XG: variants seen among roughly 807,000 people sequenced by gnomAD.
XG encodes glycoprotein Xg.
A neutral mutation model predicts 25.7 loss-of-function variants in XG; 24 were observed. The observed-to-expected ratio is 0.93, with a 90% CI of 0.68 to 1.31. The LOEUF (loss-of-function observed/expected upper bound fraction) is 1.31. Among genes scored for constraint, XG ranks in the 40% most tolerant of loss-of-function variants. The pLI is 0.00. For missense variants in XG, 181 were observed against 187.6 expected, an observed-to-expected ratio of 0.96 and a Z score of 0.21; for synonymous variants, 77 against 69.2, an observed-to-expected ratio of 1.11 and a Z score of -0.56.
intron 2 of XG, among the ~76,000 whole-genome samples, chrX:2,772,969 C>G (rs943968407): frequency 1.2e-4 from 18 of 149,770 alleles, no homozygotes; most frequent in Non-Finnish European, 2.5e-4. Context: ...TTTTCACTGT[C>G]TATACTGCCT....
At chrX:2,767,521 C>A (rs2050726335) in intron 1 of XG, among the ~76,000 whole-genome samples, 1 of 152,174 alleles carries the variant, frequency 6.6e-6, no homozygotes, top group Admixed American at 6.5e-5. Flanking sequence ...AGAAATAGAT[C>A]TCCTGTTCCT....
intron 1 of XG, among the ~76,000 whole-genome samples, chrX:2,760,373 A>G (rs1448527107): frequency 1.3e-5 from 2 of 151,808 alleles, no homozygotes; most frequent in African/African-American, 2.4e-5. Context: ...ACCCTCCTCA[A>G]TTTTACAAAT....
chrX:2,757,649 G>A (rs2050463172), intron 1 of XG, among the ~76,000 whole-genome samples: 1 of 151,816 alleles, frequency 6.6e-6, no homozygotes, highest in Non-Finnish European at 1.5e-5. Context: ...GTCACAGGCT[G>A]TTTAGTTTAC....
At chrX:2,775,966 A>G (rs1344399380) in intron 3 of XG, among the ~76,000 whole-genome samples, 1 of 126,150 alleles carries the variant, frequency 7.9e-6, no homozygotes, top group Non-Finnish European at 1.7e-5. Context: ...AAAAAAAAAA[A>G]AAAAAAGAAA....
At chrX:2,776,920 G>A (rs2051011621) in intron 3 of XG, among the ~76,000 whole-genome samples, 1 of 152,180 alleles carries the variant, frequency 6.6e-6, no homozygotes, top group Admixed American at 6.5e-5. Context: ...GAGATGTCAG[G>A]AAGTCAATGG....
At position 2,752,310 on chromosome X, in the gene XG, C is replaced by A; in HGVS notation, c.36C>A (p.Phe12Leu). 6.2e-7 allele frequency: 1 copy of A among 1,613,656 alleles called. No individual in the cohort carries two copies. The highest frequency in any genetic ancestry group is 8.5e-7 in the Non-Finnish European group (1 of 1,179,840). ...ESWWGLPCLA[F>L]LCFLMHARGQ... ...GGTGGGGACTTCCCTGTCTTGCGTTCCTGTGTTTTCTAATGCACGCCCGAG... is the reference window on the plus strand; with the variant it reads ...GGTGGGGACTTCCCTGTCTTGCGTTACTGTGTTTTCTAATGCACGCCCGAG... Residue 12 changes from phenylalanine to leucine, a missense_variant, in exon 1 of 11, where the codon TTC becomes TTA. Phe to Leu is a conservative substitution (Grantham distance 22). Transcript: ENST00000644266.
intron 4 of XG, among the ~76,000 whole-genome samples, chrX:2,783,931 T>C (rs149090951): frequency 0.015 from 1,636 of 112,126 alleles, 28 homozygotes; most frequent in African/African-American, 0.05. Context: ...GCCAAGATTG[T>C]GCCACTGCAC....
chrX:2,796,468 ATGTG>A (rs200727930), intron 6 of XG, among the ~76,000 whole-genome samples: 11 of 95,988 alleles, frequency 1.1e-4, no homozygotes, highest in African/African-American at 4.5e-4. Flanking sequence ...ATTTAGGTAT[ATGTG>A]TGTGTGTGTG....
In XG at chrX:2,760,034, C is replaced by T. The variant is rs188271550; in HGVS notation, c.61+7699C>T. Reference sequence around the variant, plus strand: ...GGCATGGAGGCGTGTGCCTGTAATCCCAGCTACTCGGGAGGCTGAGGTGAG... The same window carrying T: ...GGCATGGAGGCGTGTGCCTGTAATCTCAGCTACTCGGGAGGCTGAGGTGAG... On this transcript the variant is annotated intron_variant, in intron 1 of 10. Transcript: ENST00000644266. Among the ~76,000 whole-genome samples the T allele has an allele frequency of 2.5e-4, 38 of 152,216 alleles. 1 individual carries two copies. In the East Asian group the frequency reaches 4.1e-3, roughly 16 times the overall value.
At chrX:2,782,505 G>A (rs1207993190) in intron 4 of XG, among the ~76,000 whole-genome samples, 1 of 111,530 alleles carries the variant, frequency 9.0e-6, no homozygotes, top group African/African-American at 3.3e-5. Flanking sequence ...TGGAACATCT[G>A]GGGATCAGGG....
At chrX:2,776,323 G>A (rs1377021416) in intron 3 of XG, among the ~76,000 whole-genome samples, 1 of 152,178 alleles carries the variant, frequency 6.6e-6, no homozygotes, top group African/African-American at 2.4e-5. Context: ...AAGGATAAAT[G>A]GTTGCAGGAA....
chrX:2,792,836 C>T (rs1455039056), intron 5 of XG, among the ~76,000 whole-genome samples: 39 of 111,104 alleles, frequency 3.5e-4, no homozygotes, highest in African/African-American at 1.2e-3. Flanking sequence ...CCGGCAGTCC[C>T]AAAGCTCTGG....
At chrX:2,781,210 C>G (rs769626468) in intron 3 of XG, among the ~76,000 whole-genome samples, 1 of 150,974 alleles carries the variant, frequency 6.6e-6, no homozygotes, top group African/African-American at 2.4e-5. Context: ...TTTCCCGGGC[C>G]TTAAAGCATG....
At position 2,778,994 on chromosome X, in the gene XG, C is replaced by A. The variant is rs761893350; in HGVS notation, c.128-3072C>A. On this transcript the variant is annotated intron_variant, in intron 3 of 10. Coordinates refer to ENST00000644266, the MANE Select transcript of XG (RefSeq NM_001141919.2). ...GGCCAGGCTGGTCTCGAACTCCTGA[C>A]CTCAGGTGATCTGTCCACCTCGGTG... Among the ~76,000 whole-genome samples the A allele has an allele frequency of 2.0e-5, 3 of 152,132 alleles. No homozygotes were observed. In the East Asian group the frequency reaches 5.8e-4, roughly 29 times the overall value.
intron 1 of XG, among the ~76,000 whole-genome samples, chrX:2,769,205 C>T (rs2124444638): frequency 6.6e-6 from 1 of 152,354 alleles, no homozygotes; most frequent in East Asian, 1.9e-4. Context: ...GCCCTTGAAC[C>T]TTCCCCCAGA....
In XG at chrX:2,808,239, C is replaced by T. The variant is rs771076619; in HGVS notation, c.454+19C>T. 3.5e-5 allele frequency: 42 copies of T among 1,207,463 alleles called. No individual in the cohort carries two copies. Among genetic ancestry groups the T allele is most frequent in the Admixed American group, 4.4e-5 (2 of 45,648 alleles). ...CCAGAAGGTAACTGATTGACTCACC[C>T]GGTCCCAACCTTTAATAAGAGCACA... is the stretch of plus-strand genomic sequence containing the variant. On this transcript the variant is annotated intron_variant, in intron 9 of 10. Transcript: ENST00000644266.
At chrX:2,759,742 T>A (rs1183985927) in intron 1 of XG, among the ~76,000 whole-genome samples, 19 of 152,202 alleles carry the variant, frequency 1.2e-4, no homozygotes, top group Non-Finnish European at 1.2e-4. Flanking sequence ...ATTCCAGCCA[T>A]TTTCCTCTTT....
At chrX:2,774,928 C>A in intron 3 of XG, 189 bp downstream of exon 3, 1 of 693,306 alleles carries the variant, frequency 1.4e-6, no homozygotes, top group Admixed American at 2.6e-5. Context: ...CAGTGAAGCA[C>A]CACTTCGTCC....
rs189691365 is a variant in XG, at chrX:2,804,474, A to G, written c.374-2227A>G. On this transcript the variant is annotated intron_variant, in intron 7 of 10. Coordinates refer to ENST00000644266, the MANE Select transcript of XG (RefSeq NM_001141919.2). The stretch of plus-strand genomic sequence containing the variant: ...AAGCGATCCTCCTACCTTGGCCTCC[A>G]TAAGTGCTGGGATTACAGGCCTGCA... Among the ~76,000 whole-genome samples the G allele has an allele frequency of 1.9e-3, 201 of 108,349 alleles. No homozygotes were observed. The East Asian group carries it at 0.05, about 27-fold the overall frequency. The allele number at this position is 108,349 out of a possible 115,157, so 94.1% of individuals were successfully genotyped here.
Sources: allele counts gnomAD v4.1 joint callset (sites outside exome capture counted in the v4.1 genomes callset), GRCh38; gene constraint gnomAD v4.1.1; transcripts MANE v1.5; gene names NCBI Gene and HGNC (gene_info 2026-07-23, HGNC 2026-07-21).